TSHZ2: variants seen among roughly 807,000 people sequenced by gnomAD.
The protein encoded by TSHZ2 is teashirt zinc finger homeobox 2.
In TSHZ2, 21 loss-of-function variants were observed where a neutral mutation model predicts 74.4. That is an observed-to-expected ratio of 0.28 (90% confidence interval 0.20 to 0.41). The LOEUF (loss-of-function observed/expected upper bound fraction) is 0.41. Ranked by LOEUF, TSHZ2 falls within the 10% of genes least tolerant of loss-of-function variation. The pLI, the probability that TSHZ2 is intolerant of heterozygous loss-of-function variation, is 1.00. For synonymous variants in TSHZ2, 540 were observed against 515.3 expected (o/e 1.05, Z -0.65); for missense variants, 1,244 against 1,293.5 (o/e 0.96, Z 0.59).
At chr20:53,183,932 G>A (rs370009344) in intron 1 of TSHZ2, among the ~76,000 whole-genome samples, 1 of 152,244 alleles carries the variant, frequency 6.6e-6, no homozygotes, top group East Asian at 1.9e-4. Flanking sequence ...CAGTCTCCCC[G>A]TTGGCCTCAG....
rs3042218 is a variant in TSHZ2 at position 53,447,912 on chromosome 20, A to AT, written c.*9-39213dup. On this transcript the variant is annotated intron_variant, in intron 2 of 2. Coordinates refer to ENST00000371497, the MANE Select transcript of TSHZ2 (RefSeq NM_173485.6). ...AGTGAGTATTGCCAGGGAAGAAGAA[A>AT]TTTTTTTTTTTTTTTTTTTGAGACG... Among the ~76,000 whole-genome samples the AT allele has an allele frequency of 5.7e-3, 773 of 134,850 alleles. 3 individuals are homozygous for AT. The highest frequency in any genetic ancestry group is 0.037 in the South Asian group (148 of 4,020). 88.5% of individuals were successfully genotyped at this position (134,850 alleles called of 152,430 possible). A position where few individuals can be genotyped will look rare whatever the true frequency, so the allele number is the denominator to read the frequency against.
intron 2 of TSHZ2, among the ~76,000 whole-genome samples, chr20:53,267,993 A>G (rs1048690007): frequency 3.9e-5 from 6 of 152,182 alleles, no homozygotes; most frequent in Admixed American, 3.9e-4. Context: ...CCTGAATCTT[A>G]ACCCTCCCTG....
At chr20:53,107,416 C>T (rs1986408191) in intron 1 of TSHZ2, among the ~76,000 whole-genome samples, 1 of 152,206 alleles carries the variant, frequency 6.6e-6, no homozygotes, top group South Asian at 2.1e-4. Context: ...AAAAAAGCAT[C>T]TGTCACGTAA....
At chr20:53,004,923 A>G (rs1333176108) in intron 1 of TSHZ2, among the ~76,000 whole-genome samples, 8 of 152,180 alleles carry the variant, frequency 5.3e-5, no homozygotes, top group Non-Finnish European at 1.0e-4. Context: ...ACAGGAGGAA[A>G]TTCATCTAAG....
chr20:53,211,330 A>G (rs1989298354), intron 1 of TSHZ2, among the ~76,000 whole-genome samples: 1 of 152,212 alleles, frequency 6.6e-6, no homozygotes, highest in African/African-American at 2.4e-5. Context: ...AAGCAAAACA[A>G]GAGGTCCATA....
chr20:53,323,084 G>A (rs1459934406), intron 2 of TSHZ2, among the ~76,000 whole-genome samples: 1 of 152,152 alleles, frequency 6.6e-6, no homozygotes, highest in Non-Finnish European at 1.5e-5. Context: ...GGGACAAGTC[G>A]GTCACCCTGC....
intron 1 of TSHZ2, among the ~76,000 whole-genome samples, chr20:53,034,488 C>T (rs6097200): frequency 0.54 from 82,697 of 151,846 alleles, 22,785 homozygotes; most frequent in East Asian, 0.68. Context: ...AGGGAGATGA[C>T]GAACTGGTGG....
chr20:53,405,248 C>CAAAAAAAAAA (rs796097312), intron 2 of TSHZ2, among the ~76,000 whole-genome samples: 21 of 143,356 alleles, frequency 1.5e-4, no homozygotes, highest in East Asian at 4.1e-4. Flanking sequence ...GACTCTGTCT[C>CAAAAAAAAAA]AAAAAAAAAA....
chr20:53,454,595 T>G (rs932747700), intron 2 of TSHZ2, among the ~76,000 whole-genome samples: 1 of 151,848 alleles, frequency 6.6e-6, no homozygotes, highest in Non-Finnish European at 1.5e-5. Flanking sequence ...AAACTAATGT[T>G]AAATGTGTTA....
At chr20:53,042,346 G>T (rs1984070862) in intron 1 of TSHZ2, among the ~76,000 whole-genome samples, 1 of 152,012 alleles carries the variant, frequency 6.6e-6, no homozygotes, top group South Asian at 2.1e-4. Flanking sequence ...TACACATTTT[G>T]GCGTTACTTT....
chr20:53,384,008 A>G (rs922017609), intron 2 of TSHZ2, among the ~76,000 whole-genome samples: 2 of 152,146 alleles, frequency 1.3e-5, no homozygotes, highest in Admixed American at 6.5e-5. Context: ...ATGACATGTG[A>G]GTTCCACCTG....
intron 2 of TSHZ2, among the ~76,000 whole-genome samples, chr20:53,278,382 T>C (rs999764781): frequency 1.3e-5 from 2 of 152,220 alleles, no homozygotes; most frequent in African/African-American, 2.4e-5. Context: ...ACTCTTCATT[T>C]ATTCCATCAC....
chr20:53,414,901 C>T (rs1249936051), intron 2 of TSHZ2, among the ~76,000 whole-genome samples: 5 of 152,094 alleles, frequency 3.3e-5, no homozygotes, highest in African/African-American at 9.7e-5. Context: ...ATGTCACTGT[C>T]TGCACCTCAT....
At chr20:53,395,734 T>C (rs780892553) in intron 2 of TSHZ2, among the ~76,000 whole-genome samples, 5 of 152,236 alleles carry the variant, frequency 3.3e-5, no homozygotes, top group Non-Finnish European at 7.3e-5. Context: ...GTCATGAACA[T>C]GACCGTGCAG....
chr20:52,984,794 G>A (rs528929205), intron 1 of TSHZ2, among the ~76,000 whole-genome samples: 99 of 152,280 alleles, frequency 6.5e-4, no homozygotes, highest in Middle Eastern at 3.4e-3. Context: ...TGGACCAGAT[G>A]GATGGCGGAA....
chr20:53,211,673 C>T (rs114056930), intron 1 of TSHZ2, among the ~76,000 whole-genome samples: 1,829 of 152,180 alleles, frequency 0.012, 29 homozygotes, highest in African/African-American at 0.042. Context: ...ACAATTATGC[C>T]GCTGCATTCC....
In TSHZ2 at chr20:53,249,534, A is replaced by G. The variant is rs1020242540; in HGVS notation, c.41-3965A>G. Among the ~76,000 whole-genome samples the G allele has an allele frequency of 7.2e-5, 11 of 152,290 alleles. No individual in the cohort carries two copies. The East Asian group carries it at 1.9e-3, about 27-fold the overall frequency. ...GATGGATAGTTACACAGAGCAGGGG[A>G]GACATCAGCAAAGGCCTCACTGAGA... On this transcript the variant is annotated intron_variant, in intron 1 of 2. Coordinates refer to ENST00000371497, the MANE Select transcript of TSHZ2 (RefSeq NM_173485.6).
At chr20:53,161,323 G>T (rs1987933508) in intron 1 of TSHZ2, among the ~76,000 whole-genome samples, 1 of 152,078 alleles carries the variant, frequency 6.6e-6, no homozygotes, top group Non-Finnish European at 1.5e-5. Context: ...AGACCCATGG[G>T]TGGGAGGAGG....
intron 2 of TSHZ2, among the ~76,000 whole-genome samples, chr20:53,340,127 A>G (rs1439719171): frequency 1.3e-5 from 2 of 151,468 alleles, no homozygotes; most frequent in Non-Finnish European, 2.9e-5. Flanking sequence ...TGGTGGGGGG[A>G]AGAGCAGCCA....
Sources: gnomAD v4.1 joint callset for allele counts (sites outside exome capture counted in the v4.1 genomes callset) on GRCh38, gnomAD v4.1.1 for gene constraint, MANE v1.5 for transcripts, NCBI Gene and HGNC (gene_info 2026-07-23, HGNC 2026-07-21) for gene names.